HEG1: variants seen among roughly 807,000 people sequenced by gnomAD.
HEG1 encodes the protein heart development protein with EGF like domains 1.
Under a neutral mutation model 125.6 loss-of-function variants are expected in HEG1, and 56 were observed. The observed-to-expected ratio is 0.45, with a 90% CI of 0.36 to 0.56. The LOEUF (loss-of-function observed/expected upper bound fraction) is 0.56. Among genes scored for constraint, HEG1 ranks in the 20% least tolerant of loss-of-function variants. The pLI, the probability that HEG1 is intolerant of heterozygous loss-of-function variation, is 0.00. For synonymous variants in HEG1, 644 were observed against 668.5 expected (o/e 0.96, Z 0.57); for missense variants, 1,523 against 1,670.0 (o/e 0.91, Z 1.53).
chr3:124,966,838 G>A lies in HEG1; in HGVS notation c.*3814C>T, dbSNP rs1285996744. The A allele has an allele frequency of 2.0e-5, 3 of 152,220 alleles. No individual in the cohort carries two copies. Among genetic ancestry groups the A allele is most frequent in the African/African-American group, 7.2e-5 (3 of 41,446 alleles). 9.4% of individuals were successfully genotyped at this position (152,220 alleles called of 1,614,324 possible). On this transcript the variant is annotated 3_prime_UTR_variant, in exon 17 of 17. Transcript: ENST00000311127. ...GGGCATCTCACCAGGGGGCAACACA[G>A]TTTCATGCAGGCACCAAAAAGCCAC...
At chr3:124,996,408 A>C (rs1408625672) in intron 12 of HEG1, among the ~76,000 whole-genome samples, 1 of 152,148 alleles carries the variant, frequency 6.6e-6, no homozygotes, top group Non-Finnish European at 1.5e-5. Flanking sequence ...TAAGAGGTGC[A>C]AGGAACACTT....
intron 15 of HEG1, among the ~76,000 whole-genome samples, chr3:124,974,332 T>C (rs1283648240): frequency 3.9e-5 from 6 of 152,102 alleles, no homozygotes; most frequent in Admixed American, 2.6e-4. Flanking sequence ...AGAATTTACA[T>C]GGGAAGAGTC....
intron 3 of HEG1, among the ~76,000 whole-genome samples, chr3:125,024,182 A>G (rs1289816633): frequency 6.6e-6 from 1 of 152,200 alleles, no homozygotes; most frequent in Non-Finnish European, 1.5e-5. Context: ...CATTAGCTCA[A>G]TTTCCACAAA....
chr3:125,012,552 C>G, intron 6 of HEG1, 71 bp downstream of exon 6: 2 of 1,422,994 alleles, frequency 1.4e-6, no homozygotes, highest in South Asian at 2.9e-5. Context: ...ACATGAACCC[C>G]GAGCCCCATG....
At chr3:125,017,921 C>T (rs1265776992) in intron 5 of HEG1, among the ~76,000 whole-genome samples, 7 of 151,262 alleles carry the variant, frequency 4.6e-5, no homozygotes, top group East Asian at 1.9e-4. Context: ...CCCAGCTACT[C>T]GGGAGGCTGA....
chr3:125,021,344 G>A (rs1488473730), intron 3 of HEG1, among the ~76,000 whole-genome samples: 1 of 151,916 alleles, frequency 6.6e-6, no homozygotes, highest in South Asian at 2.1e-4. Context: ...GAGGAAGGTG[G>A]AGAACACCGA....
Position 124,970,179 on chromosome 3 carries a change from C to G in HEG1, c.*473G>C, listed in dbSNP as rs904356957. 3.9e-5 allele frequency: 6 copies of G among 154,266 alleles called. No individual in the cohort carries two copies. The highest frequency in any genetic ancestry group is 1.4e-4 in the African/African-American group (6 of 41,464). The allele number at this position is 154,266 out of a possible 1,614,324, so 9.6% of individuals were successfully genotyped here. On this transcript the variant is annotated 3_prime_UTR_variant, in exon 17 of 17. Coordinates refer to ENST00000311127, the MANE Select transcript of HEG1 (RefSeq NM_020733.2). ...AGGCGCTGGGCAGGAAAATAATTAA[C>G]AAGCCAGTATTTTGCTGCAAATGAA...
intron 12 of HEG1, among the ~76,000 whole-genome samples, chr3:124,992,680 A>G (rs1936853708): frequency 6.6e-6 from 1 of 152,178 alleles, no homozygotes; most frequent in South Asian, 2.1e-4. Flanking sequence ...CGATGTGTTG[A>G]ATCTTCTTCC....
chr3:125,047,342 C>T (rs1198071446), intron 1 of HEG1, among the ~76,000 whole-genome samples: 1 of 152,234 alleles, frequency 6.6e-6, no homozygotes, highest in African/African-American at 2.4e-5. Flanking sequence ...AGGCATCAAG[C>T]CGTCTACTTT....
At chr3:125,034,979 T>A (rs1002106735) in intron 1 of HEG1, among the ~76,000 whole-genome samples, 1 of 152,198 alleles carries the variant, frequency 6.6e-6, no homozygotes, top group South Asian at 2.1e-4. Flanking sequence ...ATTTAATTTT[T>A]ATTTTTTTAT....
chr3:125,001,722 T>C, intron 11 of HEG1, 130 bp downstream of exon 11: 1 of 958,146 alleles, frequency 1.0e-6, no homozygotes. Flanking sequence ...GGTCTTTGAC[T>C]TAACACCCAT....
At chr3:124,997,565 C>T (rs1487192318) in intron 12 of HEG1, 124 bp downstream of exon 12, 1 of 863,688 alleles carries the variant, frequency 1.2e-6, no homozygotes, top group Non-Finnish European at 1.6e-6. Context: ...ATAACAAGAA[C>T]CAGTTACCCT....
chr3:125,001,914 T>A lies in HEG1; in HGVS notation c.3455A>T (p.Asn1152Ile). The A allele has an allele frequency of 6.2e-7, 1 of 1,613,722 alleles. No individual in the cohort carries two copies. The highest frequency in any genetic ancestry group is 1.3e-5 in the African/African-American group (1 of 74,994). Residue 1152 changes from asparagine (N) to isoleucine (I), a missense_variant, in exon 11 of 17, where the codon AAC becomes ATC. Asn to Ile is a moderately radical substitution (Grantham distance 149). Coordinates refer to ENST00000311127, the MANE Select transcript of HEG1 (RefSeq NM_020733.2). The part of the protein sequence containing the change: ...DLADRMQKCV[N>I]SCKSSAEVCQ... ...GACCTCAGCAGAGGACTTGCAGGAG[T>A]TGACACATTTCTGCATCCTATCAGC...
chr3:124,991,806 T>C (rs1936838139), intron 12 of HEG1, among the ~76,000 whole-genome samples: 1 of 152,160 alleles, frequency 6.6e-6, no homozygotes, highest in Non-Finnish European at 1.5e-5. Context: ...GAGATGAGGT[T>C]TCACCATGTT....
chr3:124,999,415 G>A (rs920048003), intron 11 of HEG1, among the ~76,000 whole-genome samples: 2 of 152,218 alleles, frequency 1.3e-5, no homozygotes, highest in African/African-American at 4.8e-5. Context: ...CAGTCCTCAA[G>A]CCTTAATATA....
In HEG1 at chr3:124,990,790, T is replaced by C; in HGVS notation, c.3730A>G (p.Asn1244Asp). ...TGGTCCACTTTTGTACACTTACGGT[T>C]TCCACAGTTGAGACCACCAAGGCCA... ...PFGLGGLNCG[N>D]PYQLITVVIA... Residue 1244 changes from asparagine to aspartate, a missense_variant, in exon 14 of 17, where the codon AAC becomes GAC. By Grantham distance (23) the Asn-to-Asp change is conservative. Transcript: ENST00000311127. 1 of 1,561,594 alleles carries C rather than the reference T, an allele frequency of 6.4e-7. No individual in the cohort carries two copies. Among genetic ancestry groups the C allele is most frequent in the Non-Finnish European group, 8.7e-7 (1 of 1,152,048 alleles).
intron 5 of HEG1, among the ~76,000 whole-genome samples, chr3:125,016,292 G>T (rs1937245493): frequency 6.6e-6 from 1 of 152,210 alleles, no homozygotes; most frequent in African/African-American, 2.4e-5. Context: ...CCAGCTTTGG[G>T]TGACTCTGAG....
At chr3:125,018,947 A>G (rs1222804881) in intron 5 of HEG1, among the ~76,000 whole-genome samples, 1 of 150,096 alleles carries the variant, frequency 6.7e-6, no homozygotes, top group African/African-American at 2.5e-5. Context: ...GCTAACTGCA[A>G]CCTCCACCTC....
intron 1 of HEG1, among the ~76,000 whole-genome samples, chr3:125,044,765 C>T (rs1937636578): frequency 6.6e-6 from 1 of 152,168 alleles, no homozygotes; most frequent in Non-Finnish European, 1.5e-5. Context: ...GAAAGGGTAA[C>T]ATGTACTGAA....
Sources: gnomAD v4.1 joint callset for allele counts (sites outside exome capture counted in the v4.1 genomes callset) on GRCh38, gnomAD v4.1.1 for gene constraint, MANE v1.5 for transcripts, NCBI Gene and HGNC (gene_info 2026-07-23, HGNC 2026-07-21) for gene names.